EDAR: variants seen among roughly 807,000 people sequenced by gnomAD.
EDAR encodes the protein tumor necrosis factor receptor superfamily member EDAR.
In EDAR, 38 loss-of-function variants were observed where a neutral mutation model predicts 51.3. The ratio of observed to expected loss-of-function variants is 0.74; its 90% confidence interval spans 0.57 to 0.97. The LOEUF (loss-of-function observed/expected upper bound fraction) is 0.97. Ranked by LOEUF, EDAR falls within the 50% of genes least tolerant of loss-of-function variation. The probability of loss-of-function intolerance (pLI) is 0.00; values close to 1 mark genes in which losing one functional copy is unlikely to be tolerated. For synonymous variants in EDAR, 227 were observed against 242.1 expected, an observed-to-expected ratio of 0.94 and a Z score of 0.58; for missense variants, 528 against 595.0, an observed-to-expected ratio of 0.89 and a Z score of 1.17.
chr2:108,969,456 C>T (rs1240133579), intron 1 of EDAR, among the ~76,000 whole-genome samples: 1 of 152,182 alleles, frequency 6.6e-6, no homozygotes, highest in Non-Finnish European at 1.5e-5. Flanking sequence ...TGGGGCCAGA[C>T]ACCATGCCAG....
chr2:108,931,070 G>A (rs1388896414), intron 1 of EDAR, 38 bp from the exon 2 acceptor site: 6 of 1,578,330 alleles, frequency 3.8e-6, no homozygotes, highest in Non-Finnish European at 2.6e-6. Context: ...ACTGGCGGTA[G>A]CACCCCAGCC....
intron 11 of EDAR, 70 bp downstream of exon 11, chr2:108,906,236 CAG>C: frequency 1.3e-6 from 2 of 1,538,176 alleles, no homozygotes; most frequent in Non-Finnish European, 1.8e-6. Flanking sequence ...ACAGGAGCCT[CAG>C]GGCTCCGGGC....
chr2:108,924,907 G>C (rs1203095720), intron 4 of EDAR, among the ~76,000 whole-genome samples: 1 of 152,230 alleles, frequency 6.6e-6, no homozygotes, highest in South Asian at 2.1e-4. Context: ...GCCAGACCAG[G>C]TCAACCTGCA....
At chr2:108,979,185 CTT>C (rs1698379014) in intron 1 of EDAR, among the ~76,000 whole-genome samples, 2 of 152,180 alleles carry the variant, frequency 1.3e-5, no homozygotes, top group Non-Finnish European at 2.9e-5. Flanking sequence ...GTACTTGACC[CTT>C]ACTTAAGGAA....
At chr2:108,931,099 A>T in intron 1 of EDAR, 67 bp from the exon 2 acceptor site, 1 of 1,319,330 alleles carries the variant, frequency 7.6e-7, no homozygotes. Flanking sequence ...GGCTACCTTT[A>T]TTTAACCCCA....
chr2:108,952,307 AG>A (rs1697840991), intron 1 of EDAR, among the ~76,000 whole-genome samples: 1 of 152,222 alleles, frequency 6.6e-6, no homozygotes, highest in African/African-American at 2.4e-5. Flanking sequence ...GGTAGAAGGT[AG>A]TTTGGTGACT....
intron 4 of EDAR, among the ~76,000 whole-genome samples, chr2:108,926,625 C>T (rs1697261385): frequency 6.6e-6 from 1 of 152,176 alleles, no homozygotes; most frequent in Non-Finnish European, 1.5e-5. Flanking sequence ...GGAAGCGTAA[C>T]CTCTCTCTCC....
chr2:108,930,377 G>T, intron 2 of EDAR, 135 bp from the exon 3 acceptor site: 1 of 914,326 alleles, frequency 1.1e-6, no homozygotes, highest in Non-Finnish European at 1.7e-6. Flanking sequence ...CTGGGAAGGT[G>T]CCCGCTTGTG....
chr2:108,913,093 C>T (rs2105406642), intron 5 of EDAR, among the ~76,000 whole-genome samples: 1 of 152,068 alleles, frequency 6.6e-6, no homozygotes, highest in South Asian at 2.1e-4. Flanking sequence ...GGACTACAGG[C>T]ACCCACCACC....
intron 6 of EDAR, 47 bp downstream of exon 6, chr2:108,912,631 G>T: frequency 6.6e-7 from 1 of 1,508,552 alleles, no homozygotes; most frequent in Non-Finnish European, 9.0e-7. Flanking sequence ...GCTTTCATCC[G>T]AGTACCACCT....
intron 9 of EDAR, among the ~76,000 whole-genome samples, chr2:108,909,911 T>G (rs1696885080): frequency 6.6e-6 from 1 of 152,102 alleles, no homozygotes; most frequent in East Asian, 1.9e-4. Flanking sequence ...CTTGGGCGAG[T>G]GACAACTTCC....
At chr2:108,937,370 G>T (rs145783347) in intron 1 of EDAR, among the ~76,000 whole-genome samples, 2 of 152,174 alleles carry the variant, frequency 1.3e-5, no homozygotes, top group Non-Finnish European at 2.9e-5. Flanking sequence ...ACATATGGGT[G>T]TGAGTGTGTG....
intron 1 of EDAR, among the ~76,000 whole-genome samples, chr2:108,968,053 A>G (rs1204259419): frequency 6.6e-6 from 1 of 152,178 alleles, no homozygotes; most frequent in African/African-American, 2.4e-5. Context: ...CACTGTCCCA[A>G]GAATGCCTCA....
intron 1 of EDAR, among the ~76,000 whole-genome samples, chr2:108,973,164 T>G (rs1392774943): frequency 6.6e-6 from 1 of 152,152 alleles, no homozygotes; most frequent in Non-Finnish European, 1.5e-5. Context: ...TTTTTTGTAT[T>G]TTTAGTAGAG....
At chr2:108,960,414 C>T (rs1250760783) in intron 1 of EDAR, among the ~76,000 whole-genome samples, 1 of 152,116 alleles carries the variant, frequency 6.6e-6, no homozygotes, top group Non-Finnish European at 1.5e-5. Flanking sequence ...ACCTGTGGTG[C>T]TCCCCCCAAA....
intron 11 of EDAR, among the ~76,000 whole-genome samples, chr2:108,898,771 A>C (rs1391798561): frequency 1.3e-5 from 2 of 152,258 alleles, no homozygotes; most frequent in Non-Finnish European, 2.9e-5. Flanking sequence ...TATTAGAACT[A>C]CAAAAGTACA....
chr2:108,919,116 C>T (rs759410519), intron 5 of EDAR, among the ~76,000 whole-genome samples: 7 of 152,176 alleles, frequency 4.6e-5, no homozygotes, highest in Non-Finnish European at 8.8e-5. Flanking sequence ...CCAGGAGCAA[C>T]TGAGCGCCGG....
At chr2:108,926,621 G>A (rs566344678) in intron 4 of EDAR, among the ~76,000 whole-genome samples, 49 of 152,346 alleles carry the variant, frequency 3.2e-4, no homozygotes, top group African/African-American at 1.1e-3. Flanking sequence ...GTGAGGAAGC[G>A]TAACCTCTCT....
At chr2:108,988,394 G>A (rs946778496) in intron 1 of EDAR, among the ~76,000 whole-genome samples, 4 of 152,266 alleles carry the variant, frequency 2.6e-5, no homozygotes, top group African/African-American at 9.6e-5. Context: ...GGCTGGAAAT[G>A]AAAACCTCAA....
Sources: allele counts gnomAD v4.1 joint callset (sites outside exome capture counted in the v4.1 genomes callset), GRCh38; gene constraint gnomAD v4.1.1; transcripts MANE v1.5; gene names NCBI Gene and HGNC (gene_info 2026-07-23, HGNC 2026-07-21).